Variants in UNC80 observed in about 807,000 individuals in gnomAD.
UNC80 encodes protein unc-80 homolog.
A neutral mutation model predicts 384.6 loss-of-function variants in UNC80; 164 were observed. The ratio of observed to expected loss-of-function variants is 0.43; its 90% CI spans 0.38 to 0.49. The LOEUF (loss-of-function observed/expected upper bound fraction) is 0.49, where lower values mean the gene tolerates loss of function less well. UNC80 is among the 20% of genes least tolerant of loss of function. The probability of loss-of-function intolerance (pLI) is 0.00; values close to 1 mark genes in which losing one functional copy is unlikely to be tolerated. For synonymous variants in UNC80, 1,486 were observed against 1,527.8 expected, an observed-to-expected ratio of 0.97 and a Z score of 0.64; for missense variants, 3,330 against 4,143.0, an observed-to-expected ratio of 0.80 and a Z score of 5.39.
intron 7 of UNC80, among the ~76,000 whole-genome samples, chr2:209,798,127 G>T (rs2078285731): frequency 6.6e-6 from 1 of 152,164 alleles, no homozygotes; most frequent in South Asian, 2.1e-4. Flanking sequence ...TCACTCTGAT[G>T]ATAGTTTATT....
At chr2:209,849,416 T>C in intron 21 of UNC80, 35 bp from the exon 22 acceptor site, 2 of 1,548,468 alleles carry the variant, frequency 1.3e-6, no homozygotes, top group Non-Finnish European at 1.7e-6. Flanking sequence ...ACGTTCTCTC[T>C]CTTTCATTCC....
At chr2:209,990,961 T>C (rs1031915369) in intron 61 of UNC80, among the ~76,000 whole-genome samples, 1 of 152,176 alleles carries the variant, frequency 6.6e-6, no homozygotes, top group African/African-American at 2.4e-5. Flanking sequence ...TGTAAGACTT[T>C]TAAAAAATGA....
At position 209,822,185 on chromosome 2, in the gene UNC80, C is replaced by T. The variant is rs530682188; in HGVS notation, c.2331+1506C>T. Among the ~76,000 whole-genome samples the T allele has an allele frequency of 1.2e-4, 18 of 152,296 alleles. No homozygotes were observed. The South Asian group carries it at 3.5e-3, about 30-fold the overall frequency. On this transcript the variant is annotated intron_variant, in intron 13 of 64. Transcript: ENST00000673920. ...TGAGCCTTTTCTATACGATTTTCTTCTCTTGCCTTGAATGTATTAATCATA... is the reference window on the plus strand; with the variant it reads ...TGAGCCTTTTCTATACGATTTTCTTTTCTTGCCTTGAATGTATTAATCATA...
At chr2:209,806,584 A>G (rs532287703) in intron 7 of UNC80, among the ~76,000 whole-genome samples, 1 of 152,364 alleles carries the variant, frequency 6.6e-6, no homozygotes, top group Admixed American at 6.5e-5. Flanking sequence ...AAACTTTCAG[A>G]AAATACAAAT....
chr2:209,961,215 T>A (rs1002095388), intron 51 of UNC80: 1 of 152,144 alleles, frequency 6.6e-6, no homozygotes. Flanking sequence ...TGGCGCTCCC[T>A]CTAGAGGCCA....
intron 13 of UNC80, 96 bp downstream of exon 13, chr2:209,820,775 C>T: frequency 7.4e-7 from 1 of 1,358,966 alleles, no homozygotes; most frequent in Non-Finnish European, 9.8e-7. Context: ...TGAACAGCAC[C>T]TAGTCACTAG....
In UNC80 at chr2:209,820,531, G is replaced by A; in HGVS notation, c.2183G>A (p.Gly728Glu). Residue 728 changes from glycine (G) to glutamate (E), a missense_variant, in exon 13 of 65, where the codon GGA (glycine) becomes GAA (glutamate). Around this residue, in one of 8 missense-constraint regions of UNC80, gnomAD observed 937 missense variants for 1,026.8 expected, o/e 0.91. Transcript: ENST00000673920. ...GGAGTATCTGGAAGTTCCACCTGTG[G>A]ATTCGGAGGCCCTGCTGTTAGTGGA... ...FKGVSGSSTC[G>E]FGGPAVSGAG... 6.4e-7 allele frequency: 1 copy of A among 1,551,684 alleles called. No homozygotes were observed. The highest frequency in any genetic ancestry group is 8.7e-7 in the Non-Finnish European group (1 of 1,146,978).
At chr2:209,985,324 A>T (rs1461393441) in intron 61 of UNC80, among the ~76,000 whole-genome samples, 1 of 152,208 alleles carries the variant, frequency 6.6e-6, no homozygotes, top group Admixed American at 6.5e-5. Flanking sequence ...AAATCAAGAC[A>T]GGTCTTTTAG....
chr2:209,816,096 T>A (rs186595915), intron 9 of UNC80, among the ~76,000 whole-genome samples: 1 of 152,192 alleles, frequency 6.6e-6, no homozygotes, highest in Non-Finnish European at 1.5e-5. Context: ...CCTTTGTTAA[T>A]GATGCAACAA....
intron 60 of UNC80, 136 bp downstream of exon 60, chr2:209,982,453 G>A: frequency 8.7e-7 from 1 of 1,145,094 alleles, no homozygotes; most frequent in Non-Finnish European, 1.1e-6. Flanking sequence ...ATTCCACAAA[G>A]GATTTGTCAA....
chr2:209,904,397 CTA>C (rs1213965859), intron 28 of UNC80, among the ~76,000 whole-genome samples: 1 of 152,206 alleles, frequency 6.6e-6, no homozygotes, highest in African/African-American at 2.4e-5. Context: ...TCTCACCAGT[CTA>C]TGCCCTTTCA....
rs781676184 is a variant in UNC80, at chr2:209,943,524, C to T, written c.7050+10C>T. ...TCTCCTGGAATTTCCTGTAAGTAAG[C>T]TCTGTGGGAAAAAAAAATGAAGACC... On this transcript the variant is annotated intron_variant, in intron 45 of 64. Transcript: ENST00000673920. 30 of 1,549,164 alleles carry T rather than the reference C, an allele frequency of 1.9e-5. No individual in the cohort carries two copies. The highest frequency in any genetic ancestry group is 2.4e-5 in the Non-Finnish European group (27 of 1,146,304).
intron 22 of UNC80, among the ~76,000 whole-genome samples, chr2:209,852,233 AG>A (rs1466631964): frequency 6.6e-6 from 1 of 151,996 alleles, no homozygotes; most frequent in African/African-American, 2.4e-5. Context: ...CTTTGATTCA[AG>A]GTCAAGGTCA....
chr2:209,932,618 G>T (rs1370754973), intron 38 of UNC80, among the ~76,000 whole-genome samples: 2 of 152,154 alleles, frequency 1.3e-5, no homozygotes, highest in African/African-American at 2.4e-5. Flanking sequence ...TTGATGCCCA[G>T]ATAGTTTTAA....
intron 47 of UNC80, among the ~76,000 whole-genome samples, chr2:209,947,566 T>C (rs2091968107): frequency 6.6e-6 from 1 of 152,300 alleles, no homozygotes; most frequent in South Asian, 2.1e-4. Flanking sequence ...ATCCTCCTAA[T>C]TTTCCATTCT....
chr2:209,800,699 T>C (rs1477457300), intron 7 of UNC80, among the ~76,000 whole-genome samples: 3 of 152,218 alleles, frequency 2.0e-5, no homozygotes, highest in Non-Finnish European at 4.4e-5. Context: ...CATTTAGTGC[T>C]ATAAATCTCC....
intron 26 of UNC80, among the ~76,000 whole-genome samples, chr2:209,891,919 T>C (rs1424703671): frequency 1.6e-4 from 24 of 152,170 alleles, no homozygotes; most frequent in Admixed American, 1.6e-3. Flanking sequence ...AGATGCCAGT[T>C]CTTGAAATAA....
chr2:209,813,811 T>C lies in UNC80; in HGVS notation c.1170T>C (p.Ala390=). 6.4e-7 allele frequency: 1 copy of C among 1,552,146 alleles called. No individual in the cohort carries two copies. The highest frequency in any genetic ancestry group is 8.7e-7 in the Non-Finnish European group (1 of 1,147,086). Residue 390 remains alanine (A), a synonymous_variant, in exon 8 of 65, where the codon GCT becomes GCC. Coordinates refer to ENST00000673920, the MANE Select transcript of UNC80 (RefSeq NM_001371986.1). ...RPRSSSMVAA[A]PSLVNTHKTQ... ...GGAGTAGCTCCATGGTGGCAGCAGC[T>C]CCCTCACTAGTGAACACCCACAAAA...
At chr2:209,969,025 A>G (rs1361198560) in intron 52 of UNC80, 1 of 152,212 alleles carries the variant, frequency 6.6e-6, no homozygotes, top group African/African-American at 2.4e-5. Flanking sequence ...TGCAGATTCC[A>G]TTTCGCTAGA....
Sources: allele counts gnomAD v4.1 joint callset (sites outside exome capture counted in the v4.1 genomes callset), GRCh38; gene constraint gnomAD v4.1.1; regional missense constraint gnomAD v4.1.1; transcripts MANE v1.5; gene names NCBI Gene and HGNC (gene_info 2026-07-23, HGNC 2026-07-21).